Variants in STEAP1B observed in about 807,000 individuals in gnomAD.
STEAP1B encodes STEAP family protein MGC87042.
STEAP1B carries 13 observed loss-of-function variants against 27.9 expected under a neutral mutation model. The ratio of observed to expected loss-of-function variants is 0.47; its 90% confidence interval spans 0.30 to 0.74. STEAP1B has a LOEUF of 0.74. Ranked by LOEUF, STEAP1B falls within the 30% of genes least tolerant of loss-of-function variation. The pLI, the probability that STEAP1B is intolerant of heterozygous loss-of-function variation, is 0.06. For missense variants in STEAP1B, 250 were observed against 298.7 expected (o/e 0.84, Z 1.20); for synonymous variants, 86 against 107.1 (o/e 0.80, Z 1.22).
chr7:22,461,581 G>C (rs1583642578), intron 4 of STEAP1B, among the ~76,000 whole-genome samples: 1 of 152,096 alleles, frequency 6.6e-6, no homozygotes, highest in Non-Finnish European at 1.5e-5. Flanking sequence ...GAACTCTCTG[G>C]GCAATTCTGC....
At position 22,419,750 on chromosome 7, in the gene STEAP1B, T is replaced by C. The variant is rs1785022060; in HGVS notation, c.*54A>G. ...GTGGTGTTCTGCATGAGCAATCCAA[T>C]GCTGTGCTCCAAAGCCTCGTTCTCA... On this transcript the variant is annotated 3_prime_UTR_variant, in exon 5 of 5. Transcript: ENST00000678116. The C allele has an allele frequency of 1.9e-6, 3 of 1,541,734 alleles. No homozygotes were observed. The highest frequency in any genetic ancestry group is 2.6e-6 in the Non-Finnish European group (3 of 1,141,504).
intron 4 of STEAP1B, among the ~76,000 whole-genome samples, chr7:22,436,953 T>C (rs1785262666): frequency 6.6e-6 from 1 of 152,162 alleles, no homozygotes; most frequent in Admixed American, 6.5e-5. Flanking sequence ...GGGGCAAAGA[T>C]TTCATGATGA....
chr7:22,492,562 T>G lies in STEAP1B; in HGVS notation c.762+3A>C, dbSNP rs537851080. 3.2e-5 allele frequency: 50 copies of G among 1,587,056 alleles called. 3 individuals carry two copies. The South Asian group carries it at 5.6e-4, about 18-fold the overall frequency. ...TCTTAGGGTTATTTTATATATTATT[T>G]ACCTGAATATAGTGAAATTCTCTCC... On this transcript the variant is annotated splice_donor_region_variant and intron_variant, in intron 4 of 4. Coordinates refer to ENST00000678116, the MANE Select transcript of STEAP1B (RefSeq NM_001382447.1).
intron 1 of STEAP1B, among the ~76,000 whole-genome samples, chr7:22,499,338 G>A (rs73685814): frequency 0.1 from 15,916 of 151,726 alleles, 1,026 homozygotes; most frequent in African/African-American, 0.16. Context: ...ACTTTCAAGT[G>A]CACACTTGTT....
chr7:22,457,181 C>A (rs1785602336), intron 4 of STEAP1B, among the ~76,000 whole-genome samples: 1 of 151,316 alleles, frequency 6.6e-6, no homozygotes, highest in Non-Finnish European at 1.5e-5. Flanking sequence ...AGCATTAGAT[C>A]TCAGGGTAGA....
At chr7:22,446,347 A>C (rs972247563) in intron 4 of STEAP1B, among the ~76,000 whole-genome samples, 2 of 152,242 alleles carry the variant, frequency 1.3e-5, no homozygotes, top group Non-Finnish European at 2.9e-5. Context: ...TTTGCAAGAC[A>C]ATGCCCTATG....
At chr7:22,485,101 C>T (rs1786179313) in intron 4 of STEAP1B, among the ~76,000 whole-genome samples, 1 of 152,202 alleles carries the variant, frequency 6.6e-6, no homozygotes, top group Non-Finnish European at 1.5e-5. Flanking sequence ...TAGAATATCA[C>T]ATAAACTTAG....
chr7:22,466,460 AC>A (rs1166741058), intron 4 of STEAP1B, among the ~76,000 whole-genome samples: 1 of 146,666 alleles, frequency 6.8e-6, no homozygotes, highest in African/African-American at 2.5e-5. Context: ...TACATGTATG[AC>A]CATGTGATGA....
At chr7:22,419,888 C>T (rs1785024052) in intron 4 of STEAP1B, 52 bp from the exon 5 acceptor site, 6 of 1,514,222 alleles carry the variant, frequency 4.0e-6, no homozygotes, top group Non-Finnish European at 5.3e-6. Flanking sequence ...GTGACTATCA[C>T]TATATTAATT....
At chr7:22,456,756 CT>C (rs1785584861) in intron 4 of STEAP1B, among the ~76,000 whole-genome samples, 1 of 151,268 alleles carries the variant, frequency 6.6e-6, no homozygotes, top group Non-Finnish European at 1.5e-5. Flanking sequence ...AAAAGAGAGT[CT>C]GGTTTAGGCC....
chr7:22,441,420 G>A (rs1785331943), intron 4 of STEAP1B, among the ~76,000 whole-genome samples: 1 of 152,188 alleles, frequency 6.6e-6, no homozygotes, highest in South Asian at 2.1e-4. Flanking sequence ...CCTCTGTGTT[G>A]AACATTCTAA....
rs1371957621 is a variant in STEAP1B, at chr7:22,492,349, G to GAAAAAAAAAAAAA, written c.762+215_762+216insTTTTTTTTTTTTT. Reference sequence around the variant, plus strand: ...AAAAAAAAAAAAAAAAAAAAAAAAGGATATTTTAATGCTTTTTATTTATGT... The same window carrying GAAAAAAAAAAAAA: ...AAAAAAAAAAAAAAAAAAAAAAAAGGAAAAAAAAAAAAAATATTTTAATGCTTTTTATTTATGT... On this transcript the variant is annotated intron_variant, in intron 4 of 4. Transcript: ENST00000678116. 2.8e-3 allele frequency: 519 copies of GAAAAAAAAAAAAA among 184,764 alleles called. 4 individuals are homozygous for GAAAAAAAAAAAAA. The highest frequency in any genetic ancestry group is 4.0e-3 in the African/African-American group (131 of 32,760). The allele number at this position is 184,764 out of a possible 1,614,324, so 11.4% of individuals were successfully genotyped here.
In STEAP1B at chr7:22,477,232, C is replaced by T. The variant is rs539994659; in HGVS notation, c.762+15333G>A. Among the ~76,000 whole-genome samples, 91 of 152,348 alleles carry T rather than the reference C, an allele frequency of 6.0e-4. 1 individual carries two copies. Among genetic ancestry groups the T allele is most frequent in the African/African-American group, 1.9e-3 (80 of 41,582 alleles). ...GGGTCACATTATGGTGTGTCTGCCA[C>T]ACTCAGCCACTTGTTTTGACATTGA... On this transcript the variant is annotated intron_variant, in intron 4 of 4. Coordinates refer to ENST00000678116, the MANE Select transcript of STEAP1B (RefSeq NM_001382447.1).
At chr7:22,449,366 A>C (rs967815404) in intron 4 of STEAP1B, among the ~76,000 whole-genome samples, 1 of 152,206 alleles carries the variant, frequency 6.6e-6, no homozygotes, top group African/African-American at 2.4e-5. Context: ...TTTGATTTTC[A>C]GATCCCACAA....
At chr7:22,452,259 C>G (rs908059094) in intron 4 of STEAP1B, among the ~76,000 whole-genome samples, 6 of 152,178 alleles carry the variant, frequency 3.9e-5, no homozygotes, top group African/African-American at 1.4e-4. Context: ...CCAGAGGGTG[C>G]TCGTCACAGC....
At chr7:22,458,757 AAC>A (rs1785630404) in intron 4 of STEAP1B, among the ~76,000 whole-genome samples, 1 of 152,188 alleles carries the variant, frequency 6.6e-6, no homozygotes, top group African/African-American at 2.4e-5. Flanking sequence ...CAGGAGATAA[AAC>A]AGAAAGACAG....
intron 4 of STEAP1B, among the ~76,000 whole-genome samples, chr7:22,433,917 G>A (rs558996566): frequency 6.6e-6 from 1 of 152,272 alleles, no homozygotes; most frequent in Admixed American, 6.5e-5. Context: ...CTCCTTTGCA[G>A]GTTCACAACA....
At chr7:22,499,904 C>A (rs1317977307) in intron 1 of STEAP1B, among the ~76,000 whole-genome samples, 8 of 152,236 alleles carry the variant, frequency 5.3e-5, no homozygotes, top group Non-Finnish European at 1.5e-5. Flanking sequence ...CCGGCCACAA[C>A]CCAGCTGGGC....
At chr7:22,421,732 C>T (rs1421487313) in intron 4 of STEAP1B, among the ~76,000 whole-genome samples, 1 of 152,136 alleles carries the variant, frequency 6.6e-6, no homozygotes, top group Non-Finnish European at 1.5e-5. Flanking sequence ...TTTTAAGAAA[C>T]ATGAATCATT....
Sources: allele counts gnomAD v4.1 joint callset (sites outside exome capture counted in the v4.1 genomes callset), GRCh38; gene constraint gnomAD v4.1.1; transcripts MANE v1.5; gene names NCBI Gene and HGNC (gene_info 2026-07-23, HGNC 2026-07-21).